ZNF138: variants seen among roughly 807,000 people sequenced by gnomAD.
ZNF138 encodes zinc finger protein 138 (clone pHZ-32).
In ZNF138, 33 loss-of-function variants were observed where a neutral mutation model predicts 33.0. That is an observed-to-expected ratio of 1.00 (90% CI 0.76 to 1.34). The LOEUF (loss-of-function observed/expected upper bound fraction) is 1.34. Ranked by LOEUF, ZNF138 falls within the 40% of genes most tolerant of loss-of-function variation. The pLI is 0.00. For missense variants in ZNF138, 360 were observed against 370.8 expected, an observed-to-expected ratio of 0.97 and a Z score of 0.24; for synonymous variants, 139 against 120.4, an observed-to-expected ratio of 1.15 and a Z score of -1.01.
At chr7:64,852,320 A>G in the ZNF138 span, 8 of 979,316 alleles carry the variant, frequency 8.2e-6, no homozygotes, top group Admixed American at 2.3e-5. Context: ...TGTTGCTTAT[A>G]GTCTTTAATT....
rs148406480 is a variant in ZNF138 at position 64,815,617 on chromosome 7, A to G, written c.172A>G (p.Met58Val). Residue 58 changes from methionine to valine, a missense_variant, in exon 3 of 4, where the codon ATG becomes GTG. Transcript: ENST00000307355. ...CLEQGKEPWN[M>V]KRHEMVVAKH... ...GGAACAAGGAAAAGAGCCCTGGAATATGAAGAGACATGAGATGGTGGTAGC... is the reference window on the plus strand; with the variant it reads ...GGAACAAGGAAAAGAGCCCTGGAATGTGAAGAGACATGAGATGGTGGTAGC... 4.3e-6 allele frequency: 7 copies of G among 1,612,744 alleles called. No homozygotes were observed. The highest frequency in any genetic ancestry group is 2.7e-5 in the African/African-American group (2 of 74,844).
intron 1 of ZNF138, among the ~76,000 whole-genome samples, chr7:64,804,756 G>A (rs142684193): frequency 0.032 from 4,843 of 152,238 alleles, 93 homozygotes; most frequent in East Asian, 0.061. Context: ...ACTCCAGCCT[G>A]GGTGACAGAG....
In ZNF138 at chr7:64,831,934, C is replaced by T; in HGVS notation, c.692C>T (p.Ala231Val). The T allele has an allele frequency of 1.2e-6, 2 of 1,613,520 alleles. No individual in the cohort carries two copies. Among genetic ancestry groups the T allele is most frequent in the Non-Finnish European group, 1.7e-6 (2 of 1,179,748 alleles). ...KPYKCEVCGK[A>V]FHQSSILTKH... The stretch of plus-strand genomic sequence containing the variant: ...TACAAATGTGAAGTATGTGGAAAAG[C>T]CTTTCACCAATCCTCAATCCTTACT... Residue 231 changes from alanine to valine, a missense_variant, in exon 4 of 4, where the codon GCC becomes GTC. Coordinates refer to ENST00000307355, the MANE Select transcript of ZNF138 (RefSeq NM_001271639.2).
chr7:64,834,675 A>G (rs1312109986), downstream of ZNF138, among the ~76,000 whole-genome samples: 2 of 152,158 alleles, frequency 1.3e-5, no homozygotes, highest in Non-Finnish European at 2.9e-5. Context: ...ATTGTTTTTG[A>G]ATTTTTCTAT....
chr7:64,853,182 G>C, the ZNF138 span: 1 of 1,586,376 alleles, frequency 6.3e-7, no homozygotes, highest in Non-Finnish European at 8.7e-7. Flanking sequence ...TGGCATAAAG[G>C]CTCCCAGAAA....
chr7:64,810,439 G>GAGAGGT (rs1482733212), intron 1 of ZNF138, among the ~76,000 whole-genome samples: 2 of 114,920 alleles, frequency 1.7e-5, no homozygotes, highest in East Asian at 5.4e-4. Flanking sequence ...AGACCGTGGG[G>GAGAGGT]AGAGGGAGAG....
At chr7:64,842,898 C>T in the ZNF138 span, among the ~76,000 whole-genome samples, 1 of 152,188 alleles carries the variant, frequency 6.6e-6, no homozygotes, top group Non-Finnish European at 1.5e-5. Flanking sequence ...TCTATAGTCA[C>T]TATGCTGTAC....
rs557197484 is a variant in ZNF138, at chr7:64,798,266, G to A, written c.3+3695G>A. The stretch of plus-strand genomic sequence containing the variant: ...CAAATCAGATTTTAGATTAGAAAAT[G>A]TTTTACCCTGAAGTCAGCAAGTTTT... On this transcript the variant is annotated intron_variant, in intron 1 of 3. Transcript: ENST00000307355. Among the ~76,000 whole-genome samples the A allele has an allele frequency of 3.1e-4, 47 of 152,278 alleles. 2 individuals carry two copies. The South Asian group carries it at 8.7e-3, about 28-fold the overall frequency.
At chr7:64,831,086 A>G in intron 3 of ZNF138, 1 of 1,548,526 alleles carries the variant, frequency 6.5e-7, no homozygotes, top group Non-Finnish European at 8.7e-7. Context: ...TGTATGTGTT[A>G]TTATTTCTCT....
intron 1 of ZNF138, among the ~76,000 whole-genome samples, chr7:64,807,125 A>G (rs112759219): frequency 0.047 from 7,165 of 152,318 alleles, 215 homozygotes; most frequent in East Asian, 0.14. Context: ...CCCATCCTTA[A>G]TCTGATATCT....
chr7:64,835,840 G>T (rs575599639), downstream of ZNF138: 3 of 152,264 alleles, frequency 2.0e-5, no homozygotes, highest in Admixed American at 2.0e-4. Flanking sequence ...TAGCCCTGAT[G>T]CCACTAAGGA....
intron 1 of ZNF138, among the ~76,000 whole-genome samples, chr7:64,807,711 A>G (rs1787726258): frequency 6.6e-6 from 1 of 152,232 alleles, no homozygotes; most frequent in African/African-American, 2.4e-5. Context: ...GTGAGATGTC[A>G]ACATAGACAT....
chr7:64,814,918 G>C lies in ZNF138; in HGVS notation c.4G>C (p.Gly2Arg). The C allele has an allele frequency of 1.9e-6, 3 of 1,612,394 alleles. No homozygotes were observed. The highest frequency in any genetic ancestry group is 2.5e-6 in the Non-Finnish European group (3 of 1,179,076). The change falls in exon 2 of 4, where the codon GGA (glycine) becomes CGA (arginine). Residue 2 changes from glycine to arginine, a missense_variant and splice_region_variant. Coordinates refer to ENST00000307355, the MANE Select transcript of ZNF138 (RefSeq NM_001271639.2). ...GTGTTTGTGTGTGCGTGTTTTTCAGGGACCACTGACATTTATGGATGTGGC... is the reference window on the plus strand; with the variant it reads ...GTGTTTGTGTGTGCGTGTTTTTCAGCGACCACTGACATTTATGGATGTGGC... MGPLTFMDVAIE... is the reference protein window; with the variant it reads MRPLTFMDVAIE...
At chr7:64,804,324 C>A (rs1046036331) in intron 1 of ZNF138, among the ~76,000 whole-genome samples, 22 of 152,128 alleles carry the variant, frequency 1.4e-4, no homozygotes, top group Admixed American at 1.4e-3. Context: ...GTGCATGCAG[C>A]CCCCAGTCAT....
chr7:64,798,863 T>G (rs1311978242), intron 1 of ZNF138, among the ~76,000 whole-genome samples: 2 of 150,832 alleles, frequency 1.3e-5, no homozygotes, highest in Non-Finnish European at 3.0e-5. Context: ...TGTAGATGTG[T>G]GGCATTATTT....
the ZNF138 span, among the ~76,000 whole-genome samples, chr7:64,860,095 C>T: frequency 1.3e-5 from 2 of 152,150 alleles, no homozygotes; most frequent in Non-Finnish European, 2.9e-5. Flanking sequence ...CAAAATCATT[C>T]CACTGCACTT....
intron 1 of ZNF138, among the ~76,000 whole-genome samples, chr7:64,797,354 T>A (rs1389254279): frequency 6.6e-6 from 1 of 152,248 alleles, no homozygotes; most frequent in Non-Finnish European, 1.5e-5. Flanking sequence ...TTGAGATATG[T>A]GACGTAAGTG....
chr7:64,831,947 C>T lies in ZNF138; in HGVS notation c.705C>T (p.Ser235=), dbSNP rs1790123528. The T allele has an allele frequency of 1.2e-6, 2 of 1,613,186 alleles. No individual in the cohort carries two copies. Among genetic ancestry groups the T allele is most frequent in the South Asian group, 2.2e-5 (2 of 91,004 alleles). The change falls in exon 4 of 4, where the codon TCC becomes TCT. Residue 235 remains serine, a synonymous_variant. Coordinates refer to ENST00000307355, the MANE Select transcript of ZNF138 (RefSeq NM_001271639.2). ...CEVCGKAFHQ[S]SILTKHKIIR... Reference sequence around the variant, plus strand: ...TATGTGGAAAAGCCTTTCACCAATCCTCAATCCTTACTAAACATAAGATAA... The same window carrying T: ...TATGTGGAAAAGCCTTTCACCAATCTTCAATCCTTACTAAACATAAGATAA...
At chr7:64,839,019 G>C in the ZNF138 span, among the ~76,000 whole-genome samples, 1 of 152,162 alleles carries the variant, frequency 6.6e-6, no homozygotes, top group Non-Finnish European at 1.5e-5. Context: ...CAAGGGGAAG[G>C]CTAGCCAGAG....
Sources: allele counts gnomAD v4.1 joint callset (sites outside exome capture counted in the v4.1 genomes callset), GRCh38; gene constraint gnomAD v4.1.1; transcripts MANE v1.5; gene names NCBI Gene and HGNC (gene_info 2026-07-23, HGNC 2026-07-21).